The following PRKN variants were observed in gnomAD, a reference collection of about 807,000 sequenced individuals.
The protein encoded by PRKN is parkin RBR E3 ubiquitin protein ligase.
In PRKN, 56 loss-of-function variants were observed where a neutral mutation model predicts 59.5. The observed-to-expected ratio is 0.94, with a 90% CI of 0.76 to 1.18. PRKN has a LOEUF of 1.18. PRKN is among the 50% of genes most tolerant of loss of function. The probability of loss-of-function intolerance (pLI) is 0.00; values close to 1 mark genes in which losing one functional copy is unlikely to be tolerated. For synonymous variants in PRKN, 250 were observed against 222.1 expected, an observed-to-expected ratio of 1.13 and a Z score of -1.12; for missense variants, 657 against 596.4, an observed-to-expected ratio of 1.10 and a Z score of -1.06.
At chr6:162,408,878 T>G (rs751603667) in intron 2 of PRKN, among the ~76,000 whole-genome samples, 1 of 152,084 alleles carries the variant, frequency 6.6e-6, no homozygotes, top group Non-Finnish European at 1.5e-5. Flanking sequence ...ATGATTATAA[T>G]GAATCCTCTG....
chr6:161,510,865 T>C (rs1778359847), intron 9 of PRKN, among the ~76,000 whole-genome samples: 1 of 152,210 alleles, frequency 6.6e-6, no homozygotes, highest in African/African-American at 2.4e-5. Flanking sequence ...ATGGCCCTCC[T>C]TTCCCCTGTG....
intron 9 of PRKN, among the ~76,000 whole-genome samples, chr6:161,408,696 G>T (rs1787390202): frequency 6.6e-6 from 1 of 152,004 alleles, no homozygotes; most frequent in South Asian, 2.1e-4. Context: ...TGGGAATGCT[G>T]TTGGTGGCAA....
intron 1 of PRKN, among the ~76,000 whole-genome samples, chr6:162,503,278 T>A (rs1208669280): frequency 6.6e-6 from 1 of 151,132 alleles, no homozygotes; most frequent in East Asian, 2.0e-4. Context: ...TTCTCCCGCC[T>A]CAGCCTCCTG....
At position 161,375,125 on chromosome 6, in the gene PRKN, G is replaced by A. The variant is rs188653004; in HGVS notation, c.1167+11669C>T. On this transcript the variant is annotated intron_variant, in intron 10 of 11. Coordinates refer to ENST00000366898, the MANE Select transcript of PRKN (RefSeq NM_004562.3). Reference sequence around the variant, plus strand: ...GACCCCCACAGGTGAGCGAGCTCAGGGGACCCGCAGGCCATGCCCCTCAAG... The same window carrying A: ...GACCCCCACAGGTGAGCGAGCTCAGAGGACCCGCAGGCCATGCCCCTCAAG... Among the ~76,000 whole-genome samples the A allele has an allele frequency of 8.5e-5, 13 of 152,236 alleles. No homozygotes were observed. The East Asian group carries it at 1.2e-3, about 14-fold the overall frequency.
intron 11 of PRKN, among the ~76,000 whole-genome samples, chr6:161,358,597 A>T (rs1198811389): frequency 6.6e-6 from 1 of 152,084 alleles, no homozygotes; most frequent in Non-Finnish European, 1.5e-5. Context: ...CCTGGGCTAC[A>T]GATCAAGACT....
intron 4 of PRKN, among the ~76,000 whole-genome samples, chr6:162,193,130 G>A (rs1430872989): frequency 6.6e-6 from 1 of 152,156 alleles, no homozygotes; most frequent in Non-Finnish European, 1.5e-5. Context: ...TAAATAGCTG[G>A]ATTGAAAAGT....
At chr6:161,813,216 G>C (rs1253665774) in intron 6 of PRKN, among the ~76,000 whole-genome samples, 4 of 152,178 alleles carry the variant, frequency 2.6e-5, no homozygotes, top group Non-Finnish European at 5.9e-5. Context: ...GGGAGGAAGT[G>C]CAGTGGAAAG....
chr6:161,797,067 C>T (rs1790879871), intron 6 of PRKN, among the ~76,000 whole-genome samples: 1 of 152,122 alleles, frequency 6.6e-6, no homozygotes, highest in East Asian at 1.9e-4. Context: ...GTCCAGTGGC[C>T]ATAAATGTTA....
Position 162,683,070 on chromosome 6 carries a change from T to C in PRKN, c.7+44592A>G, listed in dbSNP as rs1006372190. Among the ~76,000 whole-genome samples, 6 of 152,202 alleles carry C rather than the reference T, an allele frequency of 3.9e-5. 1 individual carries two copies. Among genetic ancestry groups the C allele is most frequent in the Non-Finnish European group, 4.4e-5 (3 of 68,012 alleles). ...TTTACTTTCTTGTATTTTGCAAATG[T>C]TATTTAATGAACACGCATTATTATG... On this transcript the variant is annotated intron_variant, in intron 1 of 11. Transcript: ENST00000366898.
intron 2 of PRKN, among the ~76,000 whole-genome samples, chr6:162,329,257 G>A (rs950632391): frequency 2.0e-5 from 3 of 151,900 alleles, no homozygotes; most frequent in East Asian, 1.9e-4. Flanking sequence ...GGTGCAGCAC[G>A]GGGGACCCAG....
intron 2 of PRKN, among the ~76,000 whole-genome samples, chr6:162,425,638 A>G (rs1368257045): frequency 1.3e-5 from 2 of 152,190 alleles, no homozygotes; most frequent in East Asian, 3.9e-4. Context: ...TGGTACAACT[A>G]TGAATATACA....
chr6:162,332,810 A>G (rs1192334380), intron 2 of PRKN, among the ~76,000 whole-genome samples: 1 of 151,966 alleles, frequency 6.6e-6, no homozygotes, highest in African/African-American at 2.4e-5. Context: ...GTCACCTACT[A>G]CAGTTCCATC....
At chr6:162,649,698 T>C (rs952063520) in intron 1 of PRKN, among the ~76,000 whole-genome samples, 2 of 152,090 alleles carry the variant, frequency 1.3e-5, no homozygotes, top group Non-Finnish European at 2.9e-5. Context: ...GTCTCAATCA[T>C]GCCATTTAGA....
In PRKN at chr6:161,470,488, G is replaced by A. The variant is rs370422653; in HGVS notation, c.1083+78366C>T. On this transcript the variant is annotated intron_variant, in intron 9 of 11. Transcript: ENST00000366898. This position sits in a 1 kb window ranked among gnomAD's most constrained non-coding sequence, Gnocchi z 5.1. Reference sequence around the variant, plus strand: ...GAGAGCAGGACACTCTGGATTACCTGAGAAGCACTCCCAGTCTAACCCTTT... The same window carrying A: ...GAGAGCAGGACACTCTGGATTACCTAAGAAGCACTCCCAGTCTAACCCTTT... 2.0e-5 allele frequency among the ~76,000 whole-genome samples: 3 copies of A among 152,286 alleles called. No individual in the cohort carries two copies. Among genetic ancestry groups the A allele is most frequent in the South Asian group, 2.1e-4 (1 of 4,818 alleles).
chr6:162,302,142 AT>A (rs1348884052), intron 2 of PRKN, among the ~76,000 whole-genome samples: 2 of 152,048 alleles, frequency 1.3e-5, no homozygotes, highest in Non-Finnish European at 2.9e-5. Flanking sequence ...ATGTGTTTGC[AT>A]TTAGTCATTT....
rs574052146 is a variant in PRKN, at chr6:162,650,440, T to C, written c.7+77222A>G. On this transcript the variant is annotated intron_variant, in intron 1 of 11. Transcript: ENST00000366898. ...GGTGAAACCCCGTCTCTACTAAAAATACAAAAAATTAGCCGGGCGTAGTGG... is the reference window on the plus strand; with the variant it reads ...GGTGAAACCCCGTCTCTACTAAAAACACAAAAAATTAGCCGGGCGTAGTGG... Among the ~76,000 whole-genome samples the C allele has an allele frequency of 1.4e-4, 21 of 151,114 alleles. No homozygotes were observed. The East Asian group carries it at 3.7e-3, about 27-fold the overall frequency.
chr6:161,864,444 C>A (rs1204416616), intron 6 of PRKN, among the ~76,000 whole-genome samples: 1 of 152,144 alleles, frequency 6.6e-6, no homozygotes, highest in Non-Finnish European at 1.5e-5. Context: ...CATGCTATTT[C>A]TCTTGCTATT....
chr6:162,296,007 A>G (rs1478220185), intron 2 of PRKN, among the ~76,000 whole-genome samples: 1 of 152,196 alleles, frequency 6.6e-6, no homozygotes, highest in Non-Finnish European at 1.5e-5. Context: ...TATCCCATGA[A>G]ACTACAATTT....
chr6:162,573,909 C>G (rs1289370257), intron 1 of PRKN, among the ~76,000 whole-genome samples: 2 of 152,088 alleles, frequency 1.3e-5, no homozygotes, highest in African/African-American at 4.8e-5. Flanking sequence ...CTTTATTAAC[C>G]AAAACTAGTC....
Sources: gnomAD v4.1 joint callset for allele counts (sites outside exome capture counted in the v4.1 genomes callset) on GRCh38, gnomAD v4.1.1 for gene constraint, Gnocchi (gnomAD v3.1) non-coding constraint, MANE v1.5 for transcripts, NCBI Gene and HGNC (gene_info 2026-07-23, HGNC 2026-07-21) for gene names.